The following DYNC2H1 variants were observed in gnomAD, a reference collection of about 807,000 sequenced individuals.
The protein encoded by DYNC2H1 is cytoplasmic dynein 2 heavy chain 1.
Under a neutral mutation model 570.0 loss-of-function variants are expected in DYNC2H1, and 410 were observed. The observed-to-expected ratio is 0.72, with a 90% CI of 0.66 to 0.78. The LOEUF (loss-of-function observed/expected upper bound fraction) is 0.78, where lower values mean the gene tolerates loss of function less well. Ranked by LOEUF, DYNC2H1 falls within the 30% of genes least tolerant of loss-of-function variation. The probability of loss-of-function intolerance (pLI) is 0.00; values close to 1 mark genes in which losing one functional copy is unlikely to be tolerated. For synonymous variants in DYNC2H1, 1,688 were observed against 1,677.6 expected (o/e 1.01, Z -0.15); for missense variants, 4,865 against 5,046.4 (o/e 0.96, Z 1.09).
Position 103,175,919 on chromosome 11 carries a change from A to G in DYNC2H1, c.5675-316A>G, listed in dbSNP as rs1046201598. ...ACTTTATAGGGTTGTTAAAAGGATTACATCATATAATATAAAAGGTGAAGT... is the reference window on the plus strand; with the variant it reads ...ACTTTATAGGGTTGTTAAAAGGATTGCATCATATAATATAAAAGGTGAAGT... On this transcript the variant is annotated intron_variant, in intron 36 of 88. Coordinates refer to ENST00000375735, the MANE Select transcript of DYNC2H1 (RefSeq NM_001377.3). Among the ~76,000 whole-genome samples the G allele has an allele frequency of 3.9e-5, 6 of 152,204 alleles. No individual in the cohort carries two copies. In the East Asian group the frequency reaches 9.6e-4, roughly 24 times the overall value.
intron 84 of DYNC2H1, among the ~76,000 whole-genome samples, chr11:103,417,984 C>T (rs563035575): frequency 6.8e-6 from 1 of 146,582 alleles, no homozygotes; most frequent in African/African-American, 2.5e-5. Flanking sequence ...AACAGCTAGT[C>T]GTGATTAAAA....
At chr11:103,259,790 T>C (rs1385038135) in intron 69 of DYNC2H1, 98 bp from the exon 70 acceptor site, 4 of 749,334 alleles carry the variant, frequency 5.3e-6, no homozygotes, top group Non-Finnish European at 8.5e-6. Flanking sequence ...TTAAAGATAC[T>C]TGTTTCAGAA....
rs781550069 is a variant in DYNC2H1 at position 103,133,514 on chromosome 11, G to A, written c.1954-41G>A. ...AGAATATTGAAACTTTTGGAAAAAA[G>A]AAATACTTATACATACTAAAGGTTA... On this transcript the variant is annotated intron_variant, in intron 13 of 88. Coordinates refer to ENST00000375735, the MANE Select transcript of DYNC2H1 (RefSeq NM_001377.3). This position sits in a 1 kb window ranked among gnomAD's most constrained non-coding sequence, Gnocchi z 4.8. The A allele has an allele frequency of 1.3e-6, 2 of 1,536,222 alleles. No individual in the cohort carries two copies. The highest frequency in any genetic ancestry group is 1.3e-5 in the South Asian group (1 of 77,132).
intron 81 of DYNC2H1, among the ~76,000 whole-genome samples, chr11:103,322,508 TAACTC>T (rs1184254845): frequency 6.6e-6 from 1 of 152,286 alleles, no homozygotes; most frequent in African/African-American, 2.4e-5. Context: ...ACATTATACT[TAACTC>T]TAACAGCCTA....
rs1297353164 is a variant in DYNC2H1, at chr11:103,184,915, C to T, written c.6497C>T (p.Thr2166Ile). The T allele has an allele frequency of 6.2e-7, 1 of 1,610,320 alleles. No homozygotes were observed. Among genetic ancestry groups the T allele is most frequent in the East Asian group, 2.2e-5 (1 of 44,722 alleles). Reference protein sequence around the residue: ...VLKQNDYVVETSLVGTVMNGL... With the variant: ...VLKQNDYVVEISLVGTVMNGL... Reference sequence around the variant, plus strand: ...CAACAGAATGACTATGTGGTAGAAACAAGTTTGGTTGGGACTGTGATGAAT... The same window carrying T: ...CAACAGAATGACTATGTGGTAGAAATAAGTTTGGTTGGGACTGTGATGAAT... Residue 2166 changes from threonine to isoleucine, a missense_variant, in exon 41 of 89, where the codon ACA becomes ATA. Around this residue, in one of 5 missense-constraint regions of DYNC2H1, gnomAD observed 231 missense variants for 310.3 expected, o/e 0.74. Transcript: ENST00000375735.
At chr11:103,464,849 T>C (rs1273356419) in intron 87 of DYNC2H1, among the ~76,000 whole-genome samples, 1 of 152,150 alleles carries the variant, frequency 6.6e-6, no homozygotes, top group Non-Finnish European at 1.5e-5. Context: ...GAGAAAGTAA[T>C]GAACACCTAA....
intron 50 of DYNC2H1, among the ~76,000 whole-genome samples, chr11:103,202,931 TCATTC>T (rs1224339947): frequency 6.6e-6 from 1 of 152,138 alleles, no homozygotes; most frequent in Non-Finnish European, 1.5e-5. Context: ...TTGCCTTTCA[TCATTC>T]TATTCATCAT....
chr11:103,286,082 G>C (rs1464076959), intron 73 of DYNC2H1, among the ~76,000 whole-genome samples, 173 bp from the exon 74 acceptor site: 3 of 152,090 alleles, frequency 2.0e-5, no homozygotes, highest in Non-Finnish European at 2.9e-5. Context: ...TTTAATATTA[G>C]GTGAGTTTAC....
Position 103,192,216 on chromosome 11 carries a change from T to G in DYNC2H1, c.7660T>G (p.Ser2554Ala). The G allele has an allele frequency of 1.3e-6, 2 of 1,590,914 alleles. No individual in the cohort carries two copies. Among genetic ancestry groups the G allele is most frequent in the Non-Finnish European group, 1.7e-6 (2 of 1,165,652 alleles). Residue 2554 changes from serine to alanine, a missense_variant, in exon 47 of 89, where the codon TCA becomes GCA. Physicochemically the swap from Ser to Ala is moderately conservative, Grantham distance 99. Around this residue, in one of 5 missense-constraint regions of DYNC2H1, gnomAD observed 2,401 missense variants for 2,454.6 expected, o/e 0.98. Coordinates refer to ENST00000375735, the MANE Select transcript of DYNC2H1 (RefSeq NM_001377.3). ...TCATTTATTTGACATCATTTTAACA[T>G]CAGTGTTTCAAGGAGATTGGGGCTC... ...ELHLFDIILTSVFQGDWGSDI... is the reference protein window; with the variant it reads ...ELHLFDIILTAVFQGDWGSDI...
At chr11:103,449,285 G>C (rs511945) in intron 85 of DYNC2H1, among the ~76,000 whole-genome samples, 54,162 of 151,996 alleles carry the variant, frequency 0.36, 10,247 homozygotes, top group African/African-American at 0.48. Context: ...CAATGCAGGC[G>C]TTGTCTGCTA....
Position 103,222,233 on chromosome 11 carries a change from T to A in DYNC2H1, c.9231+80T>A. On this transcript the variant is annotated intron_variant, in intron 58 of 88. Transcript: ENST00000375735. ...TTTTTAAAATGTGGTGCTTTGTCAT[T>A]GCCAACTGTTTAGATCACCTAAAAA... 4 of 1,020,270 alleles carry A rather than the reference T, an allele frequency of 3.9e-6. No individual in the cohort carries two copies. In the South Asian group the frequency reaches 6.9e-5, roughly 18 times the overall value. 63.2% of individuals were successfully genotyped at this position (1,020,270 alleles called of 1,614,324 possible).
chr11:103,139,913 T>C (rs1239356709), intron 17 of DYNC2H1, among the ~76,000 whole-genome samples: 2 of 152,360 alleles, frequency 1.3e-5, no homozygotes, highest in African/African-American at 2.4e-5. Flanking sequence ...ATTGAGTGCA[T>C]ATATATTTAG....
At chr11:103,122,756 G>T in intron 10 of DYNC2H1, 69 bp from the exon 11 acceptor site, 2 of 1,323,272 alleles carry the variant, frequency 1.5e-6, no homozygotes, top group Admixed American at 4.2e-5. Flanking sequence ...CAGAGAAGGG[G>T]ACTCCTTACT....
At chr11:103,373,724 T>C in intron 83 of DYNC2H1, among the ~76,000 whole-genome samples, 1 of 152,222 alleles carries the variant, frequency 6.6e-6, no homozygotes, top group East Asian at 1.9e-4. Context: ...GGTGCAATCT[T>C]AGTCCAATGG....
intron 70 of DYNC2H1, among the ~76,000 whole-genome samples, chr11:103,266,977 C>T (rs73588888): frequency 0.034 from 5,199 of 152,296 alleles, 300 homozygotes; most frequent in African/African-American, 0.12. Flanking sequence ...TCCTGGCCAG[C>T]TCTGCTGCAC....
intron 60 of DYNC2H1, among the ~76,000 whole-genome samples, chr11:103,233,445 T>A (rs1424093316): frequency 2.0e-5 from 3 of 151,618 alleles, no homozygotes; most frequent in Admixed American, 2.0e-4. Flanking sequence ...AAAAAGAAAA[T>A]CATAAAGATC....
rs572051997 is a variant in DYNC2H1 at position 103,210,066 on chromosome 11, T to C, written c.8539+106T>C. Reference sequence around the variant, plus strand: ...GATTCATGATTATAAATTTGAATAATGCTAAGTGTAACAAAATTAGATTTC... The same window carrying C: ...GATTCATGATTATAAATTTGAATAACGCTAAGTGTAACAAAATTAGATTTC... On this transcript the variant is annotated intron_variant, in intron 53 of 88. Transcript: ENST00000375735. The C allele has an allele frequency of 8.0e-4, 997 of 1,239,112 alleles. 1 individual carries two copies. The highest frequency in any genetic ancestry group is 9.6e-4 in the Non-Finnish European group (925 of 960,754). The allele number at this position is 1,239,112 out of a possible 1,614,324, so 76.8% of individuals were successfully genotyped here. A position where few individuals can be genotyped will look rare whatever the true frequency, so the allele number is the denominator to read the frequency against.
At chr11:103,187,097 A>G (rs1287397278) in intron 42 of DYNC2H1, among the ~76,000 whole-genome samples, 2 of 151,998 alleles carry the variant, frequency 1.3e-5, no homozygotes, top group Admixed American at 6.6e-5. Flanking sequence ...AATTCTGAGA[A>G]CTTTGATTTT....
At position 103,455,257 on chromosome 11, in the gene DYNC2H1, A is replaced by G. The variant is rs759623956; in HGVS notation, c.12528A>G (p.Pro4176=). 1.2e-6 allele frequency: 2 copies of G among 1,613,526 alleles called. No individual in the cohort carries two copies. Among genetic ancestry groups the G allele is most frequent in the Non-Finnish European group, 1.7e-6 (2 of 1,179,596 alleles). Residue 4176 remains proline, a synonymous_variant, in exon 86 of 89, where the codon CCA becomes CCG. Coordinates refer to ENST00000375735, the MANE Select transcript of DYNC2H1 (RefSeq NM_001377.3). ...TTGACCTATCAGAACTTTTCCATCCAGACACATTTCTTAATGCTCTTCGCC... is the reference window on the plus strand; with the variant it reads ...TTGACCTATCAGAACTTTTCCATCCGGACACATTTCTTAATGCTCTTCGCC... The part of the protein sequence containing the change: ...ETLDLSELFH[P]DTFLNALRQE...
Sources: gnomAD v4.1 joint callset for allele counts (sites outside exome capture counted in the v4.1 genomes callset) on GRCh38, gnomAD v4.1.1 for gene constraint, gnomAD v4.1.1 regional missense constraint, Gnocchi (gnomAD v3.1) non-coding constraint, MANE v1.5 for transcripts, NCBI Gene and HGNC (gene_info 2026-07-23, HGNC 2026-07-21) for gene names.